Variants in DOCK10 observed in about 807,000 individuals in gnomAD.
DOCK10 encodes dedicator of cytokinesis protein 10.
DOCK10 carries 145 observed loss-of-function variants against 280.1 expected under a neutral mutation model. That is an observed-to-expected ratio of 0.52 (90% CI 0.45 to 0.59). The LOEUF is 0.59. Ranked by LOEUF, DOCK10 falls within the 20% of genes least tolerant of loss-of-function variation. The pLI is 0.00. For synonymous variants in DOCK10, 915 were observed against 942.2 expected (o/e 0.97, Z 0.53); for missense variants, 2,368 against 2,651.7 (o/e 0.89, Z 2.35).
intron 1 of DOCK10, among the ~76,000 whole-genome samples, chr2:224,957,290 C>T (rs999828583): frequency 6.8e-6 from 1 of 146,602 alleles, no homozygotes. Flanking sequence ...TTTCCGCCCC[C>T]CCCCGGCTTT....
chr2:224,826,156 C>T (rs534824847), intron 27 of DOCK10, among the ~76,000 whole-genome samples: 7 of 152,246 alleles, frequency 4.6e-5, no homozygotes, highest in Admixed American at 1.3e-4. Flanking sequence ...CTCCACCTCC[C>T]GGGTTTAAGC....
rs1280476388 is a variant in DOCK10 at position 224,778,189 on chromosome 2, A to G, written c.5751T>C (p.Tyr1917=). The G allele has an allele frequency of 1.9e-6, 3 of 1,613,504 alleles. No homozygotes were observed. The highest frequency in any genetic ancestry group is 4.5e-5 in the East Asian group (2 of 44,836). The change falls in exon 51 of 56, where the codon TAT becomes TAC. Residue 1917 remains tyrosine, a synonymous_variant. Transcript: ENST00000258390. The stretch of plus-strand genomic sequence containing the variant: ...CATTGTCTGCTCCAAATTTATCTGC[A>G]TAGAGCTTGAGTAATCTTTGGGAAA... ...SEISQRLLKL[Y]ADKFGADNVK...
At chr2:224,979,670 A>G (rs993765443) in intron 1 of DOCK10, among the ~76,000 whole-genome samples, 1 of 152,236 alleles carries the variant, frequency 6.6e-6, no homozygotes, top group Admixed American at 6.5e-5. Flanking sequence ...GGCATGGGTC[A>G]TTCCCTTGAC....
At chr2:224,866,095 C>T (rs1180086427) in intron 11 of DOCK10, among the ~76,000 whole-genome samples, 3 of 152,142 alleles carry the variant, frequency 2.0e-5, no homozygotes, top group East Asian at 3.9e-4. Flanking sequence ...ACTCACATGC[C>T]CCTTTCGATG....
At chr2:224,968,818 G>A (rs2126200451) in intron 1 of DOCK10, among the ~76,000 whole-genome samples, 1 of 152,346 alleles carries the variant, frequency 6.6e-6, no homozygotes, top group East Asian at 1.9e-4. Flanking sequence ...CATTTATAGT[G>A]CATCTATGGA....
At chr2:224,977,227 C>T (rs1705494063) in intron 1 of DOCK10, among the ~76,000 whole-genome samples, 1 of 152,152 alleles carries the variant, frequency 6.6e-6, no homozygotes, top group Admixed American at 6.5e-5. Context: ...TCTACTATTT[C>T]AGAGAAACCC....
intron 3 of DOCK10, among the ~76,000 whole-genome samples, chr2:224,914,612 T>G (rs977562849): frequency 6.6e-6 from 1 of 152,136 alleles, no homozygotes; most frequent in African/African-American, 2.4e-5. Flanking sequence ...TAAAATTTCA[T>G]AGAGAGACAC....
At chr2:225,036,609 T>C (rs1179558513) in intron 1 of DOCK10, among the ~76,000 whole-genome samples, 1 of 152,214 alleles carries the variant, frequency 6.6e-6, no homozygotes, top group African/African-American at 2.4e-5. Context: ...ATGTTGCTGG[T>C]CCTTGGACAA....
intron 1 of DOCK10, among the ~76,000 whole-genome samples, chr2:224,956,869 A>G (rs1704072562): frequency 6.6e-6 from 1 of 152,196 alleles, no homozygotes; most frequent in African/African-American, 2.4e-5. Flanking sequence ...AGTCAGGTGG[A>G]ATTAACTAAC....
intron 1 of DOCK10, among the ~76,000 whole-genome samples, chr2:224,999,457 C>G (rs1023865671): frequency 7.5e-6 from 1 of 133,552 alleles, no homozygotes; most frequent in African/African-American, 3.3e-5. Flanking sequence ...TTCCCTCCCT[C>G]CCTTCCTGCC....
intron 22 of DOCK10, among the ~76,000 whole-genome samples, chr2:224,842,458 C>A (rs1696028872): frequency 6.6e-6 from 1 of 151,302 alleles, no homozygotes; most frequent in African/African-American, 2.4e-5. Context: ...AGGGTGGGAG[C>A]TACACAGTCA....
chr2:224,869,081 C>A (rs1053004778), intron 11 of DOCK10, among the ~76,000 whole-genome samples: 4 of 152,244 alleles, frequency 2.6e-5, no homozygotes, highest in Middle Eastern at 3.4e-3. Context: ...AACAAAGCAT[C>A]TGCAAAGCCT....
chr2:224,922,937 CT>C (rs1701850710), intron 2 of DOCK10, among the ~76,000 whole-genome samples: 1 of 152,152 alleles, frequency 6.6e-6, no homozygotes, highest in Admixed American at 6.5e-5. Flanking sequence ...ATTAATGACC[CT>C]CAGCATGTGT....
intron 1 of DOCK10, among the ~76,000 whole-genome samples, chr2:224,941,843 CAAA>C (rs72072414): frequency 9.3e-4 from 101 of 109,016 alleles, no homozygotes; most frequent in Admixed American, 3.2e-3. Context: ...GCCTCCATCT[CAAA>C]AAAAAAAAAA....
At chr2:224,982,022 G>T (rs1248909735) in intron 1 of DOCK10, among the ~76,000 whole-genome samples, 2 of 152,176 alleles carry the variant, frequency 1.3e-5, no homozygotes, top group East Asian at 1.9e-4. Context: ...GATACAAGAA[G>T]AAGAAAATAT....
intron 12 of DOCK10, 37 bp downstream of exon 12, chr2:224,864,829 G>A (rs756127852): frequency 3.7e-6 from 6 of 1,610,754 alleles, no homozygotes; most frequent in East Asian, 4.5e-5. Flanking sequence ...AATGGTACAA[G>A]CATTTTCCAT....
intron 26 of DOCK10, among the ~76,000 whole-genome samples, chr2:224,830,948 A>T (rs1370944012): frequency 1.3e-5 from 2 of 151,816 alleles, no homozygotes; most frequent in East Asian, 1.9e-4. Flanking sequence ...TTATTTATTT[A>T]TTTTTTGAGA....
At chr2:224,843,884 AT>A (rs1696152519) in intron 22 of DOCK10, among the ~76,000 whole-genome samples, 1 of 152,156 alleles carries the variant, frequency 6.6e-6, no homozygotes, top group South Asian at 2.1e-4. Flanking sequence ...ATTTTGAAAT[AT>A]TTCTCCTTTG....
At chr2:224,990,124 TA>T (rs1275058471) in intron 1 of DOCK10, among the ~76,000 whole-genome samples, 1 of 152,248 alleles carries the variant, frequency 6.6e-6, no homozygotes, top group Non-Finnish European at 1.5e-5. Context: ...CAAAAGCAGA[TA>T]ATTCTTTCGT....
Sources: allele counts gnomAD v4.1 joint callset (sites outside exome capture counted in the v4.1 genomes callset), GRCh38; gene constraint gnomAD v4.1.1; transcripts MANE v1.5; gene names NCBI Gene and HGNC (gene_info 2026-07-23, HGNC 2026-07-21).